The following PARD6G variants were observed in gnomAD, a reference collection of about 807,000 sequenced individuals.
PARD6G encodes partitioning defective 6 homolog gamma.
In PARD6G, 7 loss-of-function variants were observed where a neutral mutation model predicts 10.7. That is an observed-to-expected ratio of 0.66 (90% CI 0.37 to 1.23). The LOEUF (loss-of-function observed/expected upper bound fraction) is 1.23. PARD6G is among the 50% of genes most tolerant of loss of function. The pLI is 0.02. For synonymous variants in PARD6G, 287 were observed against 269.4 expected (o/e 1.07, Z -0.64); for missense variants, 548 against 571.8 (o/e 0.96, Z 0.42).
Position 80,210,687 on chromosome 18 carries a change from A to G in PARD6G, c.73-7755T>C, listed in dbSNP as rs563804725. Among the ~76,000 whole-genome samples the G allele has an allele frequency of 2.0e-5, 3 of 152,350 alleles. No homozygotes were observed. In the East Asian group the frequency reaches 5.8e-4, roughly 29 times the overall value. Reference sequence around the variant, plus strand: ...TTCCATGGGCCAAGTTTATTTTGTTAGTAGGACCAAAATAGGTTATCTACA... The same window carrying G: ...TTCCATGGGCCAAGTTTATTTTGTTGGTAGGACCAAAATAGGTTATCTACA... On this transcript the variant is annotated intron_variant, in intron 1 of 2. Coordinates refer to ENST00000353265, the MANE Select transcript of PARD6G (RefSeq NM_032510.4).
At chr18:80,209,206 C>A (rs974016208) in intron 1 of PARD6G, among the ~76,000 whole-genome samples, 1 of 152,144 alleles carries the variant, frequency 6.6e-6, no homozygotes, top group Admixed American at 6.5e-5. Flanking sequence ...ACCCATGGTT[C>A]CGAGGCAAAA....
In PARD6G at chr18:80,174,620, G is replaced by A. The variant is rs542818755; in HGVS notation, c.296-14014C>T. On this transcript the variant is annotated intron_variant, in intron 2 of 2. Coordinates refer to ENST00000353265, the MANE Select transcript of PARD6G (RefSeq NM_032510.4). ...ACTCCAGCACTGGGTGATGCAGGAG[G>A]ATAACCTCCCAAAACCCATGCCCCT... 3.9e-5 allele frequency among the ~76,000 whole-genome samples: 6 copies of A among 152,272 alleles called. No homozygotes were observed. The South Asian group carries it at 6.2e-4, about 16-fold the overall frequency.
At chr18:80,243,961 T>A (rs1967516087) in intron 1 of PARD6G, among the ~76,000 whole-genome samples, 1 of 152,058 alleles carries the variant, frequency 6.6e-6, no homozygotes, top group East Asian at 1.9e-4. Context: ...TTTCTCTGGA[T>A]TTTTCAAGCT....
In PARD6G at chr18:80,183,440, G is replaced by A. The variant is rs992022872; in HGVS notation, c.295+19270C>T. On this transcript the variant is annotated intron_variant, in intron 2 of 2. Coordinates refer to ENST00000353265, the MANE Select transcript of PARD6G (RefSeq NM_032510.4). This position sits in a 1 kb window ranked among gnomAD's most constrained non-coding sequence, Gnocchi z 4.5. ...CTGAGGGCAGCACCAGTCAGAATGGGTGGAGCAGGCCCCAGAGCTTCTAAT... is the reference window on the plus strand; with the variant it reads ...CTGAGGGCAGCACCAGTCAGAATGGATGGAGCAGGCCCCAGAGCTTCTAAT... 5.9e-5 allele frequency among the ~76,000 whole-genome samples: 9 copies of A among 152,152 alleles called. No individual in the cohort carries two copies. The highest frequency in any genetic ancestry group is 2.2e-4 in the African/African-American group (9 of 41,434).
chr18:80,195,568 T>TATATATACATATATATATATATATAC (rs1966946673), intron 2 of PARD6G, among the ~76,000 whole-genome samples: 1 of 122,258 alleles, frequency 8.2e-6, no homozygotes, highest in Non-Finnish European at 1.6e-5. Flanking sequence ...TATATATATA[T>TATATATACATATATATATATATATAC]ATATACACAC....
In PARD6G at chr18:80,161,842, A is replaced by T. The variant is rs2052702647; in HGVS notation, c.296-1236T>A. 1 of 152,302 alleles carries T rather than the reference A, an allele frequency of 6.6e-6. No individual in the cohort carries two copies. Among genetic ancestry groups the T allele is most frequent in the Non-Finnish European group, 1.5e-5 (1 of 68,100 alleles). 9.4% of individuals were successfully genotyped at this position (152,302 alleles called of 1,614,324 possible). ...CAGAGACCTCCAGGCTCCAGGGGTC[A>T]GTCTGGCTTCTGCATTTCAGTGAGC... On this transcript the variant is annotated intron_variant, in intron 2 of 2. Transcript: ENST00000353265. The surrounding 1 kb of genome is among the most constrained non-coding windows in gnomAD (Gnocchi z 4.6).
intron 1 of PARD6G, among the ~76,000 whole-genome samples, chr18:80,241,634 C>T (rs961840814): frequency 2.0e-5 from 3 of 152,182 alleles, no homozygotes; most frequent in Admixed American, 6.5e-5. Flanking sequence ...CAGCAGGCAA[C>T]GTCCAGCCTG....
intron 1 of PARD6G, among the ~76,000 whole-genome samples, chr18:80,214,876 T>A (rs1435351598): frequency 2.6e-5 from 4 of 152,192 alleles, no homozygotes; most frequent in African/African-American, 9.7e-5. Flanking sequence ...AAGTGTATCC[T>A]ACTTGCAGTT....
chr18:80,167,220 T>G (rs6506813), intron 2 of PARD6G, among the ~76,000 whole-genome samples: 2 of 151,582 alleles, frequency 1.3e-5, no homozygotes, highest in African/African-American at 4.9e-5. Context: ...GGCAGTGTTG[T>G]GTGTGGACCT....
intron 2 of PARD6G, among the ~76,000 whole-genome samples, chr18:80,164,122 C>A (rs531949958): frequency 6.6e-6 from 1 of 152,340 alleles, no homozygotes; most frequent in Admixed American, 6.5e-5. Context: ...AACTACCCCA[C>A]CTGCTGCACC....
At position 80,192,469 on chromosome 18, in the gene PARD6G, C is replaced by CG. The variant is rs551945834; in HGVS notation, c.295+10240dup. On this transcript the variant is annotated intron_variant, in intron 2 of 2. Transcript: ENST00000353265. The surrounding 1 kb of genome is among the most constrained non-coding windows in gnomAD (Gnocchi z 4.9). Reference sequence around the variant, plus strand: ...GGTGCCACGGCGGGAGCCCAGGGGACGGGGGAGAGCAGGTGCCACGGCGGG... The same window carrying CG: ...GGTGCCACGGCGGGAGCCCAGGGGACGGGGGGAGAGCAGGTGCCACGGCGGG... Among the ~76,000 whole-genome samples the CG allele has an allele frequency of 5.5e-4, 80 of 146,406 alleles. No individual in the cohort carries two copies. Among genetic ancestry groups the CG allele is most frequent in the African/African-American group, 1.8e-3 (69 of 39,424 alleles).
intron 1 of PARD6G, among the ~76,000 whole-genome samples, chr18:80,224,586 G>C (rs559587191): frequency 1.3e-5 from 2 of 152,218 alleles, no homozygotes; most frequent in African/African-American, 4.8e-5. Flanking sequence ...GGTGGCTCAC[G>C]CCTGTAATCC....
intron 1 of PARD6G, among the ~76,000 whole-genome samples, chr18:80,241,517 A>T (rs960481691): frequency 6.6e-6 from 1 of 152,162 alleles, no homozygotes; most frequent in African/African-American, 2.4e-5. Context: ...TTAGTGAACT[A>T]TCTGCAATTG....
At chr18:80,245,037 C>T (rs932039992) in intron 1 of PARD6G, among the ~76,000 whole-genome samples, 1 of 152,196 alleles carries the variant, frequency 6.6e-6, no homozygotes, top group African/African-American at 2.4e-5. Context: ...AACTCTGGCG[C>T]TGCCACTCAC....
chr18:80,208,528 G>A (rs977452371), intron 1 of PARD6G, among the ~76,000 whole-genome samples: 3 of 152,020 alleles, frequency 2.0e-5, no homozygotes, highest in Admixed American at 6.6e-5. Context: ...CTACTATCCC[G>A]CACATAAAAT....
At chr18:80,208,907 G>A (rs1967081034) in intron 1 of PARD6G, among the ~76,000 whole-genome samples, 1 of 151,956 alleles carries the variant, frequency 6.6e-6, no homozygotes, top group African/African-American at 2.4e-5. Flanking sequence ...GACCAGTCTG[G>A]CCAACATAGT....
chr18:80,238,821 T>G (rs1184294627), intron 1 of PARD6G, among the ~76,000 whole-genome samples: 4 of 127,496 alleles, frequency 3.1e-5, no homozygotes, highest in Non-Finnish European at 6.3e-5. Context: ...CTGGCAAGAG[T>G]AGGAAAGGAT....
At chr18:80,215,736 A>G (rs974517994) in intron 1 of PARD6G, among the ~76,000 whole-genome samples, 1 of 152,208 alleles carries the variant, frequency 6.6e-6, no homozygotes, top group African/African-American at 2.4e-5. Flanking sequence ...GAAAATAAAC[A>G]GCAAAATGAC....
chr18:80,202,903 C>CAG lies in PARD6G; in HGVS notation c.100_101dup (p.Asp35TrpfsTer27). 1 of 1,594,514 alleles carries CAG rather than the reference C, an allele frequency of 6.3e-7. No homozygotes were observed. The highest frequency in any genetic ancestry group is 1.1e-5 in the South Asian group (1 of 90,626). ...CAAACTTCCCAGGCTTATGACGGTCCAGAGAGAACCTTCGGAATTCCGCCC... is the reference window on the plus strand; with the variant it reads ...CAAACTTCCCAGGCTTATGACGGTCCAGAGAGAGAACCTTCGGAATTCCGCCC... On this transcript the variant is annotated frameshift_variant, in exon 2 of 3. Coordinates refer to ENST00000353265, the MANE Select transcript of PARD6G (RefSeq NM_032510.4). LOFTEE classifies it high-confidence loss of function.
Sources: gnomAD v4.1 joint callset for allele counts (sites outside exome capture counted in the v4.1 genomes callset) on GRCh38, gnomAD v4.1.1 for gene constraint, Gnocchi (gnomAD v3.1) non-coding constraint, MANE v1.5 for transcripts, NCBI Gene and HGNC (gene_info 2026-07-23, HGNC 2026-07-21) for gene names.